The following NCOA1 variants were observed in gnomAD, a reference collection of about 807,000 sequenced individuals.
The protein encoded by NCOA1 is nuclear receptor coactivator 1, also known as Hin-2 protein.
In NCOA1, 35 loss-of-function variants were observed where a neutral mutation model predicts 150.9. The ratio of observed to expected loss-of-function variants is 0.23; its 90% CI spans 0.18 to 0.31. The LOEUF is 0.31. NCOA1 is among the 10% of genes least tolerant of loss of function. The pLI is 1.00. For synonymous variants in NCOA1, 590 were observed against 630.0 expected (o/e 0.94, Z 0.95); for missense variants, 1,491 against 1,749.3 (o/e 0.85, Z 2.63).
chr2:24,545,093 G>C (rs900304569), intron 1 of NCOA1, among the ~76,000 whole-genome samples: 8 of 152,232 alleles, frequency 5.3e-5, no homozygotes, highest in Admixed American at 3.9e-4. Context: ...TGTCTGCTGA[G>C]AGGGCCTAGG....
chr2:24,707,452 C>T lies in NCOA1; in HGVS notation c.1982C>T (p.Thr661Ile), dbSNP rs1317143418. ...DTSCKDVLSC[T>I]GTSNSASANS... ...AGCTGCAAAGATGTCCTGTCTTGCA[C>T]AGGCACTTCCAACTCTGCCTCTGCT... The change falls in exon 13 of 23, where the codon ACA becomes ATA. Residue 661 changes from threonine (T) to isoleucine (I), a missense_variant. Coordinates refer to ENST00000348332, the MANE Select transcript of NCOA1 (RefSeq NM_003743.5). 1 of 1,614,218 alleles carries T rather than the reference C, an allele frequency of 6.2e-7. No homozygotes were observed. Among genetic ancestry groups the T allele is most frequent in the Non-Finnish European group, 8.5e-7 (1 of 1,180,032 alleles).
chr2:24,741,411 C>T (rs906240092), intron 18 of NCOA1, among the ~76,000 whole-genome samples: 2 of 152,146 alleles, frequency 1.3e-5, no homozygotes, highest in Non-Finnish European at 2.9e-5. Flanking sequence ...TTTTCTTTCA[C>T]TTCCTTATGG....
intron 22 of NCOA1, among the ~76,000 whole-genome samples, chr2:24,766,446 G>C (rs949567217): frequency 6.6e-6 from 1 of 152,108 alleles, no homozygotes; most frequent in African/African-American, 2.4e-5. Flanking sequence ...TTTCTGTTGT[G>C]GCCAATCATG....
chr2:24,633,715 G>T (rs1669808884), intron 3 of NCOA1, among the ~76,000 whole-genome samples: 1 of 152,174 alleles, frequency 6.6e-6, no homozygotes, highest in African/African-American at 2.4e-5. Context: ...GGGGAAAATG[G>T]CTGTCTCAAA....
intron 3 of NCOA1, among the ~76,000 whole-genome samples, chr2:24,635,817 A>G (rs1178232892): frequency 6.6e-6 from 1 of 152,202 alleles, no homozygotes; most frequent in African/African-American, 2.4e-5. Flanking sequence ...ATAAGCCAAT[A>G]TGAAGAGCTG....
At chr2:24,718,983 C>G (rs1175800980) in intron 14 of NCOA1, among the ~76,000 whole-genome samples, 1 of 135,866 alleles carries the variant, frequency 7.4e-6, no homozygotes, top group South Asian at 2.3e-4. Context: ...TAGCCGAGAT[C>G]GCACCATTGC....
intron 17 of NCOA1, among the ~76,000 whole-genome samples, chr2:24,730,897 G>A (rs112340550): frequency 1.5e-3 from 219 of 149,890 alleles, no homozygotes; most frequent in Non-Finnish European, 2.6e-3. Context: ...AAAAAAACGG[G>A]CATGGTGGCA....
rs752593085 is a variant in NCOA1 at position 24,643,779 on chromosome 2, TC to T, written c.-174-186del. 4.6e-5 allele frequency among the ~76,000 whole-genome samples: 7 copies of T among 152,322 alleles called. No individual in the cohort carries two copies. The East Asian group carries it at 1.3e-3, about 29-fold the overall frequency. ...TTCTCAAATAGGAGTATATACTTAATCACCAGAAAGGACTTAAGCTGTAAAA... is the reference window on the plus strand; with the variant it reads ...TTCTCAAATAGGAGTATATACTTAATACCAGAAAGGACTTAAGCTGTAAAA... On this transcript the variant is annotated intron_variant, in intron 3 of 22. Coordinates refer to ENST00000348332, the MANE Select transcript of NCOA1 (RefSeq NM_003743.5).
At position 24,711,092 on chromosome 2, in the gene NCOA1, A is replaced by G; in HGVS notation, c.2580A>G (p.Arg860=). The G allele has an allele frequency of 6.2e-7, 1 of 1,613,772 alleles. No individual in the cohort carries two copies. Among genetic ancestry groups the G allele is most frequent in the Non-Finnish European group, 8.5e-7 (1 of 1,179,892 alleles). ...LPASLQSATA[R]PTSRLNRLPE... The stretch of plus-strand genomic sequence containing the variant: ...CTTCACTTCAGTCCGCCACTGCCAG[A>G]CCCACTTCCAGGCTAAATAGTATGT... The change falls in exon 14 of 23, where the codon AGA becomes AGG. Residue 860 remains arginine (R), a synonymous_variant. Transcript: ENST00000348332.
chr2:24,517,002 G>GTGTATATATACGTATATATATACACA (rs1664225501), intron 1 of NCOA1, among the ~76,000 whole-genome samples: 4 of 25,776 alleles, frequency 1.6e-4, no homozygotes, highest in Admixed American at 1.5e-3. Flanking sequence ...ATACACACGC[G>GTGTATATATACGTATATATATACACA]CGCACACACA....
chr2:24,656,570 A>T (rs573057673), intron 4 of NCOA1, among the ~76,000 whole-genome samples: 2 of 152,200 alleles, frequency 1.3e-5, no homozygotes, highest in Non-Finnish European at 2.9e-5. Flanking sequence ...CTAATTTCTC[A>T]TATTTAGCTA....
At chr2:24,757,879 G>T in intron 20 of NCOA1, 94 bp from the exon 21 acceptor site, 1 of 1,163,566 alleles carries the variant, frequency 8.6e-7, no homozygotes, top group Non-Finnish European at 1.2e-6. Context: ...TGCAATTTAA[G>T]GATGTAACAT....
chr2:24,697,047 T>C (rs1196568326), intron 10 of NCOA1, among the ~76,000 whole-genome samples: 1 of 152,162 alleles, frequency 6.6e-6, no homozygotes, highest in African/African-American at 2.4e-5. Flanking sequence ...TGTTTAAATA[T>C]GATAACAATG....
intron 3 of NCOA1, among the ~76,000 whole-genome samples, chr2:24,606,407 T>C (rs1184057986): frequency 6.6e-6 from 1 of 152,010 alleles, no homozygotes; most frequent in Non-Finnish European, 1.5e-5. Flanking sequence ...CAGCTAATTT[T>C]TGTATTTTTA....
At chr2:24,664,084 G>A (rs1401150611) in intron 5 of NCOA1, among the ~76,000 whole-genome samples, 1 of 152,174 alleles carries the variant, frequency 6.6e-6, no homozygotes, top group Non-Finnish European at 1.5e-5. Context: ...ACACTGTGAG[G>A]TTGCAGAGCT....
chr2:24,644,298 A>G (rs1670364558), intron 4 of NCOA1, among the ~76,000 whole-genome samples, 176 bp downstream of exon 4: 1 of 152,154 alleles, frequency 6.6e-6, no homozygotes, highest in South Asian at 2.1e-4. Flanking sequence ...AAGTTCTAGG[A>G]TACACTTTAT....
intron 1 of NCOA1, among the ~76,000 whole-genome samples, chr2:24,556,391 C>T (rs1462517322): frequency 1.3e-5 from 2 of 152,182 alleles, no homozygotes; most frequent in East Asian, 1.9e-4. Flanking sequence ...TTTAGTCTAT[C>T]ATTGATGGGC....
chr2:24,712,062 A>T (rs1673772169), intron 14 of NCOA1, among the ~76,000 whole-genome samples: 1 of 152,224 alleles, frequency 6.6e-6, no homozygotes, highest in Non-Finnish European at 1.5e-5. Context: ...TCCATCTGTG[A>T]CATTTTTGGA....
rs1323910025 is a variant in NCOA1 at position 24,741,821 on chromosome 2, G to A, written c.3341G>A (p.Arg1114Gln). ...GCTCAAATGTTGGCACAACGTCAGC[G>A]GGAACTGTACAGTCAACAGCACCGA... ...LNAQMLAQRQRELYSQQHRQR... is the reference protein window; with the variant it reads ...LNAQMLAQRQQELYSQQHRQR... The change falls in exon 19 of 23, where the codon CGG becomes CAG. Residue 1114 changes from arginine (R) to glutamine (Q), a missense_variant. By Grantham distance (43) the Arg-to-Gln change is conservative. Transcript: ENST00000348332. 10 of 1,613,822 alleles carry A rather than the reference G, an allele frequency of 6.2e-6. No individual in the cohort carries two copies. Among genetic ancestry groups the A allele is most frequent in the Non-Finnish European group, 7.6e-6 (9 of 1,179,946 alleles).
Sources: gnomAD v4.1 joint callset for allele counts (sites outside exome capture counted in the v4.1 genomes callset) on GRCh38, gnomAD v4.1.1 for gene constraint, MANE v1.5 for transcripts, NCBI Gene and HGNC (gene_info 2026-07-23, HGNC 2026-07-21) for gene names.